WDFY4: variants seen among roughly 807,000 people sequenced by gnomAD.
WDFY4 encodes WD repeat- and FYVE domain-containing protein 4.
In WDFY4, 169 loss-of-function variants were observed where a neutral mutation model predicts 351.9. That is an observed-to-expected ratio of 0.48 (90% CI 0.42 to 0.55). WDFY4 has a LOEUF of 0.55. Among genes scored for constraint, WDFY4 ranks in the 20% least tolerant of loss-of-function variants. The probability of loss-of-function intolerance (pLI) is 0.00; values close to 1 mark genes in which losing one functional copy is unlikely to be tolerated. For missense variants in WDFY4, 3,803 were observed against 3,935.6 expected, an observed-to-expected ratio of 0.97 and a Z score of 0.90; for synonymous variants, 1,622 against 1,574.6, an observed-to-expected ratio of 1.03 and a Z score of -0.71.
At chr10:48,893,867 G>A (rs968247383) in intron 44 of WDFY4, among the ~76,000 whole-genome samples, 18 of 152,206 alleles carry the variant, frequency 1.2e-4, no homozygotes, top group Non-Finnish European at 2.5e-4. Flanking sequence ...CACATGGACA[G>A]TTTTTGCAGA....
At position 48,941,929 on chromosome 10, in the gene WDFY4, G is replaced by A. The variant is rs1217630966; in HGVS notation, c.7629+81G>A. 6 of 1,357,908 alleles carry A rather than the reference G, an allele frequency of 4.4e-6. No homozygotes were observed. The Admixed American group carries it at 9.9e-5, about 22-fold the overall frequency. The allele number at this position is 1,357,908 out of a possible 1,614,324, so 84.1% of individuals were successfully genotyped here. ...CAGGCCCCAGCGATGGAGAGGAAGT[G>A]TGTGGATCAACCAAGAAGGGATCTT... On this transcript the variant is annotated intron_variant, in intron 48 of 61. Transcript: ENST00000325239.
At chr10:48,940,466 G>A (rs373044799) in intron 47 of WDFY4, among the ~76,000 whole-genome samples, 2 of 152,212 alleles carry the variant, frequency 1.3e-5, no homozygotes, top group African/African-American at 2.4e-5. Context: ...AAGATGTGAC[G>A]GTGGGGCTAT....
At chr10:48,867,427 T>C in intron 40 of WDFY4, 85 bp downstream of exon 40, 3 of 879,924 alleles carry the variant, frequency 3.4e-6, no homozygotes, top group Non-Finnish European at 4.8e-6. Flanking sequence ...GCCTTTGGTT[T>C]ACGTTCTGGA....
intron 1 of WDFY4, among the ~76,000 whole-genome samples, chr10:48,690,279 T>A (rs531435178): frequency 6.6e-6 from 1 of 152,314 alleles, no homozygotes; most frequent in Admixed American, 6.5e-5. Context: ...TCTGATACTT[T>A]AAGGAAAAGG....
chr10:48,873,704 G>T lies in WDFY4; in HGVS notation c.6948+7G>T. On this transcript the variant is annotated splice_region_variant and intron_variant, in intron 41 of 61. Transcript: ENST00000325239. ...GAGCTCAGGAAGGCACAAGGTAGGA[G>T]TCAGGCGCAGTGGGACAGTGCTGGT... The T allele has an allele frequency of 6.4e-7, 1 of 1,551,514 alleles. No homozygotes were observed.
chr10:48,972,025 A>G (rs1025041115), intron 57 of WDFY4, among the ~76,000 whole-genome samples: 2 of 152,248 alleles, frequency 1.3e-5, no homozygotes, highest in Admixed American at 6.5e-5. Context: ...TTCCCATTTA[A>G]CAGTGAAAAT....
intron 19 of WDFY4, among the ~76,000 whole-genome samples, chr10:48,784,498 AT>A (rs923309303): frequency 3.4e-5 from 1 of 29,072 alleles, no homozygotes; most frequent in Non-Finnish European, 8.6e-5. Context: ...GTCCATCCAT[AT>A]TTTTTGCCCA....
intron 35 of WDFY4, among the ~76,000 whole-genome samples, chr10:48,824,881 A>C (rs980587129): frequency 6.6e-6 from 1 of 152,148 alleles, no homozygotes; most frequent in African/African-American, 2.4e-5. Context: ...CCTGTCCTCA[A>C]GAGATCTTCT....
At chr10:48,692,341 G>A (rs1170060084) in intron 1 of WDFY4, among the ~76,000 whole-genome samples, 3 of 152,118 alleles carry the variant, frequency 2.0e-5, no homozygotes, top group Non-Finnish European at 4.4e-5. Flanking sequence ...CAGAAGGGCG[G>A]GACAGTGCCC....
chr10:48,791,176 G>A (rs1044225910), intron 23 of WDFY4, among the ~76,000 whole-genome samples: 7 of 152,244 alleles, frequency 4.6e-5, no homozygotes, highest in Non-Finnish European at 7.3e-5. Flanking sequence ...AAATTCTAAT[G>A]TCATTTGTGG....
rs190313969 is a variant in WDFY4, at chr10:48,911,873, G to T, written c.7586+10010G>T. Among the ~76,000 whole-genome samples the T allele has an allele frequency of 2.6e-5, 4 of 152,204 alleles. No individual in the cohort carries two copies. The East Asian group carries it at 5.8e-4, about 22-fold the overall frequency. On this transcript the variant is annotated intron_variant, in intron 47 of 61. Transcript: ENST00000325239. Reference sequence around the variant, plus strand: ...CCCAAGGTTTTAGAAATATGATAGGGTTGTCATAGCTAAGCATTACAAGAG... The same window carrying T: ...CCCAAGGTTTTAGAAATATGATAGGTTTGTCATAGCTAAGCATTACAAGAG...
intron 53 of WDFY4, 23 bp from the exon 54 acceptor site, chr10:48,963,819 T>C (rs982072432): frequency 1.4e-5 from 21 of 1,550,874 alleles, no homozygotes; most frequent in Non-Finnish European, 1.7e-5. Flanking sequence ...TGGGTTTTAA[T>C]GCTCTTTGGG....
At chr10:48,797,149 C>T (rs1417695445) in intron 24 of WDFY4, among the ~76,000 whole-genome samples, 4 of 152,168 alleles carry the variant, frequency 2.6e-5, no homozygotes, top group African/African-American at 7.2e-5. Flanking sequence ...AAATAACCTT[C>T]CAGGTGGAGT....
chr10:48,832,515 A>C, intron 38 of WDFY4, 58 bp from the exon 39 acceptor site: 1 of 1,460,626 alleles, frequency 6.8e-7, no homozygotes, highest in Non-Finnish European at 9.1e-7. Context: ...CAAGCTAGCT[A>C]TAAAAATAGT....
intron 39 of WDFY4, 50 bp downstream of exon 39, chr10:48,832,759 AC>A (rs1564399721): frequency 5.4e-6 from 8 of 1,468,396 alleles, no homozygotes; most frequent in Non-Finnish European, 7.3e-6. Context: ...TTTGCTTCAA[AC>A]CCCATGAGTC....
chr10:48,726,176 C>T, intron 6 of WDFY4, 106 bp downstream of exon 6: 1 of 1,274,422 alleles, frequency 7.8e-7, no homozygotes, highest in South Asian at 1.6e-5. Context: ...TTGGGATGCT[C>T]TTGCAGCCTC....
rs1242312170 is a variant in WDFY4, at chr10:48,877,052, G to A, written c.7020G>A (p.Glu2340=). The change falls in exon 43 of 62, where the codon GAG becomes GAA. Residue 2340 remains glutamate, a synonymous_variant. Coordinates refer to ENST00000325239, the MANE Select transcript of WDFY4 (RefSeq NM_001394531.1). ...CTGCAGATGAACTGACACTGAGGGA[G>A]GCTGAGGGCGAGCCGGACGAGGTGG... ...AENQDELTLR[E]AEGEPDEVGV... 2.7e-6 allele frequency: 4 copies of A among 1,504,118 alleles called. No individual in the cohort carries two copies. In the South Asian group the frequency reaches 5.2e-5, roughly 20 times the overall value. The allele number at this position is 1,504,118 out of a possible 1,614,324, so 93.2% of individuals were successfully genotyped here. A position where few individuals can be genotyped will look rare whatever the true frequency, so the allele number is the denominator to read the frequency against.
At chr10:48,704,919 T>C (rs2063584484) in intron 1 of WDFY4, among the ~76,000 whole-genome samples, 2 of 151,346 alleles carry the variant, frequency 1.3e-5, no homozygotes, top group African/African-American at 2.4e-5. Flanking sequence ...TTAATCCTAA[T>C]AGTGACCTGT....
At chr10:48,712,910 C>T (rs1445759091) in intron 2 of WDFY4, among the ~76,000 whole-genome samples, 1 of 152,208 alleles carries the variant, frequency 6.6e-6, no homozygotes, top group Non-Finnish European at 1.5e-5. Context: ...GGAAATCATA[C>T]TCTGCCTGGG....
Sources: gnomAD v4.1 joint callset for allele counts (sites outside exome capture counted in the v4.1 genomes callset) on GRCh38, gnomAD v4.1.1 for gene constraint, MANE v1.5 for transcripts, NCBI Gene and HGNC (gene_info 2026-07-23, HGNC 2026-07-21) for gene names.